Variants in SVOP observed in about 807,000 individuals in gnomAD.
The protein encoded by SVOP is synaptic vesicle 2-related protein.
In SVOP, 17 loss-of-function variants were observed where a neutral mutation model predicts 69.1. That is an observed-to-expected ratio of 0.25 (90% confidence interval 0.17 to 0.37). The LOEUF (loss-of-function observed/expected upper bound fraction) is 0.37, where lower values mean the gene tolerates loss of function less well. Among genes scored for constraint, SVOP ranks in the 10% least tolerant of loss-of-function variants. SVOP has a pLI of 1.00. For synonymous variants in SVOP, 238 were observed against 238.6 expected (o/e 1.00, Z 0.02); for missense variants, 435 against 597.5 (o/e 0.73, Z 2.84).
chr12:109,020,799 C>G (rs2040393622), intron 1 of SVOP, 35 bp downstream of exon 1: 1 of 446,278 alleles, frequency 2.2e-6, no homozygotes, highest in Non-Finnish European at 4.4e-6. Context: ...TAAAAGAAAG[C>G]CTGTCTGCCT....
chr12:109,009,055 G>T (rs187444826), intron 1 of SVOP, among the ~76,000 whole-genome samples: 1 of 143,006 alleles, frequency 7.0e-6, no homozygotes, highest in East Asian at 2.0e-4. Flanking sequence ...TCTGCTTCCC[G>T]GGTTCAAGAG....
intron 5 of SVOP, among the ~76,000 whole-genome samples, chr12:108,967,269 T>C (rs905859261): frequency 6.6e-6 from 1 of 151,716 alleles, no homozygotes; most frequent in Non-Finnish European, 1.5e-5. Context: ...GGGAGGCCGA[T>C]GTGGGCAGAT....
At chr12:108,916,724 T>G (rs2039716368) in intron 14 of SVOP, among the ~76,000 whole-genome samples, 1 of 152,176 alleles carries the variant, frequency 6.6e-6, no homozygotes, top group East Asian at 1.9e-4. Flanking sequence ...CATATTGGAC[T>G]CTTTTATTTT....
At chr12:108,979,729 C>T (rs1009763880) in intron 2 of SVOP, among the ~76,000 whole-genome samples, 1 of 152,166 alleles carries the variant, frequency 6.6e-6, no homozygotes, top group African/African-American at 2.4e-5. Flanking sequence ...TTACAAACTG[C>T]TTACCAGGCT....
intron 1 of SVOP, among the ~76,000 whole-genome samples, chr12:109,005,575 A>G (rs2040302363): frequency 6.6e-6 from 1 of 152,116 alleles, no homozygotes; most frequent in African/African-American, 2.4e-5. Context: ...ATCACTATAC[A>G]TTTGCAAAGG....
intron 1 of SVOP, among the ~76,000 whole-genome samples, chr12:108,996,426 C>G (rs1412639224): frequency 6.6e-6 from 1 of 152,062 alleles, no homozygotes; most frequent in African/African-American, 2.4e-5. Context: ...TGCATGGTGA[C>G]TCATGCATGT....
intron 14 of SVOP, among the ~76,000 whole-genome samples, chr12:108,916,078 G>A (rs544365217): frequency 2.0e-5 from 3 of 152,162 alleles, no homozygotes; most frequent in Admixed American, 6.5e-5. Flanking sequence ...GCTGAGCTGC[G>A]GGTGGGAACC....
In SVOP at chr12:108,909,892, T is replaced by C. The variant is rs1323593352; in HGVS notation, c.*2643A>G. 2.6e-5 allele frequency: 4 copies of C among 152,334 alleles called. No homozygotes were observed. The highest frequency in any genetic ancestry group is 7.2e-5 in the African/African-American group (3 of 41,582). The allele number at this position is 152,334 out of a possible 1,614,324, so 9.4% of individuals were successfully genotyped here. ...GTTTGGGTGCCTTTTGTGATAGCTC[T>C]TGTATCATTTGATAATATTGATTTT... On this transcript the variant is annotated 3_prime_UTR_variant, in exon 16 of 16. Coordinates refer to ENST00000610966, the MANE Select transcript of SVOP (RefSeq NM_018711.5).
intron 3 of SVOP, 149 bp from the exon 4 acceptor site, chr12:108,977,645 AG>A (rs2040114229): frequency 1.3e-5 from 7 of 547,252 alleles, no homozygotes; most frequent in Non-Finnish European, 2.0e-5. Context: ...CCACACTCAA[AG>A]CTCCAGCAGT....
chr12:108,985,689 G>T (rs2040162398), intron 1 of SVOP, among the ~76,000 whole-genome samples: 1 of 152,014 alleles, frequency 6.6e-6, no homozygotes, highest in Non-Finnish European at 1.5e-5. Flanking sequence ...TTAAGAAAAA[G>T]AAAAAAGTCT....
chr12:108,963,323 C>T (rs1033863984), intron 5 of SVOP, among the ~76,000 whole-genome samples: 5 of 152,054 alleles, frequency 3.3e-5, no homozygotes, highest in Admixed American at 6.6e-5. Context: ...CAAATGATTT[C>T]GAGTCTTTTA....
intron 11 of SVOP, among the ~76,000 whole-genome samples, chr12:108,932,925 C>T (rs1467878150): frequency 1.3e-5 from 2 of 152,106 alleles, no homozygotes; most frequent in Non-Finnish European, 2.9e-5. Flanking sequence ...GTCGCCTAGG[C>T]TGGAGTGCAG....
rs531275891 is a variant in SVOP, at chr12:108,944,229, G to A, written c.642+874C>T. ...GTCTTGCTCTGCCACTCAGGCTGGA[G>A]TGCAGTGATGTGATCACAGCTCACT... On this transcript the variant is annotated intron_variant, in intron 7 of 15. Coordinates refer to ENST00000610966, the MANE Select transcript of SVOP (RefSeq NM_018711.5). Among the ~76,000 whole-genome samples, 51 of 151,438 alleles carry A rather than the reference G, an allele frequency of 3.4e-4. No individual in the cohort carries two copies. In the East Asian group the frequency reaches 9.9e-3, roughly 29 times the overall value.
intron 12 of SVOP, among the ~76,000 whole-genome samples, chr12:108,922,239 T>C (rs1442168092): frequency 6.6e-6 from 1 of 152,196 alleles, no homozygotes; most frequent in Non-Finnish European, 1.5e-5. Context: ...AAAGATGATG[T>C]CTCCCTTAGG....
intron 1 of SVOP, among the ~76,000 whole-genome samples, chr12:109,000,943 T>C (rs2135620945): frequency 1.3e-5 from 2 of 150,560 alleles, no homozygotes; most frequent in South Asian, 4.2e-4. Flanking sequence ...TTCAACATAG[T>C]GTTGGCAGTT....
In SVOP at chr12:108,912,526, C is replaced by T; in HGVS notation, c.*9G>A. Reference sequence around the variant, plus strand: ...AGCCTCAAAGACCAGCTCAGTCCCCCATCGGTCACTATTCCTGAGAGCCAG... The same window carrying T: ...AGCCTCAAAGACCAGCTCAGTCCCCTATCGGTCACTATTCCTGAGAGCCAG... On this transcript the variant is annotated 3_prime_UTR_variant, in exon 16 of 16. Transcript: ENST00000610966. 1 of 1,613,796 alleles carries T rather than the reference C, an allele frequency of 6.2e-7. No individual in the cohort carries two copies. The highest frequency in any genetic ancestry group is 1.7e-5 in the Admixed American group (1 of 60,018).
chr12:108,965,761 G>A (rs138604511), intron 5 of SVOP, among the ~76,000 whole-genome samples: 138,440 of 152,138 alleles, frequency 0.91, 63,186 homozygotes, highest in East Asian at 1. Flanking sequence ...CCGAAGGACA[G>A]TATTTACAGG....
chr12:108,960,148 C>G (rs1024895290), intron 6 of SVOP, among the ~76,000 whole-genome samples: 3 of 152,210 alleles, frequency 2.0e-5, no homozygotes, highest in African/African-American at 7.2e-5. Flanking sequence ...ATAGTTCAGG[C>G]TTTGCAGGCC....
At chr12:108,975,665 G>A (rs532985059) in intron 4 of SVOP, among the ~76,000 whole-genome samples, 4 of 152,150 alleles carry the variant, frequency 2.6e-5, no homozygotes, top group Non-Finnish European at 5.9e-5. Flanking sequence ...AGACCAGAAA[G>A]GCCCTACATT....
Sources: allele counts gnomAD v4.1 joint callset (sites outside exome capture counted in the v4.1 genomes callset), GRCh38; gene constraint gnomAD v4.1.1; transcripts MANE v1.5; gene names NCBI Gene and HGNC (gene_info 2026-07-23, HGNC 2026-07-21).